Variants in ATP9B observed in about 807,000 individuals in gnomAD.
The protein encoded by ATP9B is ATPase phospholipid transporting 9B, also known as probable phospholipid-transporting ATPase IIB.
ATP9B carries 110 observed loss-of-function variants against 146.1 expected under a neutral mutation model. The ratio of observed to expected loss-of-function variants is 0.75; its 90% CI spans 0.65 to 0.88. The LOEUF (loss-of-function observed/expected upper bound fraction) is 0.88. Ranked by LOEUF, ATP9B falls within the 40% of genes least tolerant of loss-of-function variation. The probability of loss-of-function intolerance (pLI) is 0.00; values close to 1 mark genes in which losing one functional copy is unlikely to be tolerated. For missense variants in ATP9B, 1,499 were observed against 1,496.4 expected (o/e 1.00, Z -0.03); for synonymous variants, 604 against 569.7 (o/e 1.06, Z -0.86).
intron 9 of ATP9B, among the ~76,000 whole-genome samples, chr18:79,200,726 G>GAACTGTCGGGGTCA (rs1433463736): frequency 1.3e-5 from 2 of 151,882 alleles, no homozygotes; most frequent in Admixed American, 6.6e-5. Context: ...GTGGAGGTGG[G>GAACTGTCGGGGTCA]GACTGTCGGG....
chr18:79,297,384 A>G (rs1404347130), intron 13 of ATP9B, among the ~76,000 whole-genome samples: 2 of 152,086 alleles, frequency 1.3e-5, no homozygotes, highest in Non-Finnish European at 2.9e-5. Context: ...CAGAGAGAAG[A>G]CAGATGACCC....
chr18:79,127,689 T>A (rs1472566518), intron 5 of ATP9B, among the ~76,000 whole-genome samples: 1 of 152,230 alleles, frequency 6.6e-6, no homozygotes, highest in Admixed American at 6.5e-5. Context: ...CAAGCTTTTG[T>A]GTGAATATTG....
intron 11 of ATP9B, among the ~76,000 whole-genome samples, chr18:79,233,811 C>G (rs546471529): frequency 6.6e-6 from 1 of 152,336 alleles, no homozygotes; most frequent in African/African-American, 2.4e-5. Context: ...ACCAGTAACA[C>G]AGACCGTCAA....
At chr18:79,214,178 A>G (rs1001213319) in intron 11 of ATP9B, 140 bp downstream of exon 11, 3 of 484,960 alleles carry the variant, frequency 6.2e-6, no homozygotes, top group Non-Finnish European at 1.0e-5. Context: ...GTGACTTACA[A>G]TATGAATTCT....
chr18:79,099,142 C>G (rs553978550), intron 2 of ATP9B, among the ~76,000 whole-genome samples: 2 of 152,090 alleles, frequency 1.3e-5, no homozygotes, highest in East Asian at 1.9e-4. Flanking sequence ...TTTTTCCTTT[C>G]TAAAAATAGG....
chr18:79,248,636 G>C (rs976227221), intron 11 of ATP9B, among the ~76,000 whole-genome samples: 6 of 152,210 alleles, frequency 3.9e-5, no homozygotes, highest in Non-Finnish European at 7.3e-5. Context: ...TGCTAGTGCA[G>C]AGTAGCATGA....
At chr18:79,170,733 G>A (rs2095057745) in intron 7 of ATP9B, among the ~76,000 whole-genome samples, 1 of 152,138 alleles carries the variant, frequency 6.6e-6, no homozygotes, top group African/African-American at 2.4e-5. Context: ...AGTGTCAGAG[G>A]TCTCTCTCCT....
chr18:79,235,099 C>G (rs1048648480), intron 11 of ATP9B, among the ~76,000 whole-genome samples: 2 of 152,146 alleles, frequency 1.3e-5, no homozygotes, highest in African/African-American at 4.8e-5. Flanking sequence ...TCTCGAACTC[C>G]TAACCTCAGA....
intron 25 of ATP9B, 98 bp downstream of exon 25, chr18:79,348,294 T>C: frequency 8.7e-7 from 1 of 1,144,984 alleles, no homozygotes; most frequent in Non-Finnish European, 1.3e-6. Flanking sequence ...AGAAGATTCT[T>C]GATACAGTCA....
intron 27 of ATP9B, 79 bp from the exon 28 acceptor site, chr18:79,373,819 G>A (rs1386221330): frequency 2.5e-5 from 37 of 1,467,738 alleles, no homozygotes; most frequent in Admixed American, 1.2e-4. Context: ...CTTGAGTGAC[G>A]TTGCTGGTTC....
intron 15 of ATP9B, among the ~76,000 whole-genome samples, chr18:79,326,450 C>T (rs540344): frequency 4.5e-4 from 40 of 88,520 alleles, no homozygotes; most frequent in Middle Eastern, 8.6e-3. Context: ...GGGTGTCATC[C>T]CTGCACACTC....
intron 1 of ATP9B, among the ~76,000 whole-genome samples, chr18:79,075,687 T>G (rs1382072711): frequency 6.6e-6 from 1 of 152,236 alleles, no homozygotes; most frequent in Non-Finnish European, 1.5e-5. Flanking sequence ...TCAAGTCACT[T>G]ATATTTGAAG....
intron 9 of ATP9B, among the ~76,000 whole-genome samples, chr18:79,199,345 A>G (rs2095444344): frequency 6.6e-6 from 1 of 152,250 alleles, no homozygotes. Context: ...TTACTCTATT[A>G]ATAACACTTA....
intron 13 of ATP9B, among the ~76,000 whole-genome samples, chr18:79,290,437 T>A (rs986559534): frequency 1.3e-5 from 2 of 152,188 alleles, no homozygotes. Flanking sequence ...GGATATAATC[T>A]CATGGTGCGC....
At chr18:79,348,327 A>T in intron 25 of ATP9B, 131 bp downstream of exon 25, 1 of 856,424 alleles carries the variant, frequency 1.2e-6, no homozygotes, top group Non-Finnish European at 1.8e-6. Flanking sequence ...AATAATACTG[A>T]TGTAAAAACA....
At chr18:79,202,287 G>A (rs1321781412) in intron 9 of ATP9B, among the ~76,000 whole-genome samples, 2 of 152,182 alleles carry the variant, frequency 1.3e-5, no homozygotes, top group African/African-American at 4.8e-5. Flanking sequence ...TTCAAAATCT[G>A]TATGTATTGT....
chr18:79,265,058 C>T (rs2096188054), intron 12 of ATP9B, among the ~76,000 whole-genome samples: 1 of 152,160 alleles, frequency 6.6e-6, no homozygotes, highest in Admixed American at 6.5e-5. Flanking sequence ...TACTCTCCCT[C>T]CTCCCACCCT....
intron 8 of ATP9B, among the ~76,000 whole-genome samples, chr18:79,190,834 C>T (rs1386350403): frequency 6.6e-6 from 1 of 152,134 alleles, no homozygotes; most frequent in Non-Finnish European, 1.5e-5. Context: ...GCATGAGCCA[C>T]CGTGCCTGGC....
chr18:79,143,992 T>C, intron 6 of ATP9B, 132 bp downstream of exon 6: 1 of 526,338 alleles, frequency 1.9e-6, no homozygotes, highest in African/African-American at 1.9e-5. Context: ...GTGTAAGATT[T>C]GTTGTATGTG....
Sources: gnomAD v4.1 joint callset for allele counts (sites outside exome capture counted in the v4.1 genomes callset) on GRCh38, gnomAD v4.1.1 for gene constraint, MANE v1.5 for transcripts, NCBI Gene and HGNC (gene_info 2026-07-23, HGNC 2026-07-21) for gene names.